The following DPYSL3 variants were observed in gnomAD, a reference collection of about 807,000 sequenced individuals.
DPYSL3 encodes the protein dihydropyrimidinase-related protein 3.
Under a neutral mutation model 66.1 loss-of-function variants are expected in DPYSL3, and 16 were observed. The observed-to-expected ratio is 0.24, with a 90% CI of 0.16 to 0.37. The LOEUF is 0.37. Among genes scored for constraint, DPYSL3 ranks in the 10% least tolerant of loss-of-function variants. The pLI is 1.00. For missense variants in DPYSL3, 738 were observed against 916.2 expected (o/e 0.81, Z 2.51); for synonymous variants, 338 against 345.1 (o/e 0.98, Z 0.23).
rs377010254 is a variant in DPYSL3, at chr5:147,412,600, G to A, written c.963+8C>T. On this transcript the variant is annotated splice_region_variant and intron_variant, in intron 6 of 13. Coordinates refer to ENST00000343218, the MANE Select transcript of DPYSL3 (RefSeq NM_001197294.2). ...CAAAGCACGCTCCAGGGAGCTGCAC[G>A]GTGTTACCTGGGCAATGATATCCCC... The A allele has an allele frequency of 2.0e-5, 33 of 1,610,162 alleles. No individual in the cohort carries two copies. In the African/African-American group the frequency reaches 2.3e-4, roughly 11 times the overall value.
At chr5:147,454,705 C>A (rs1332380276) in intron 1 of DPYSL3, among the ~76,000 whole-genome samples, 1 of 152,286 alleles carries the variant, frequency 6.6e-6, no homozygotes, top group South Asian at 2.1e-4. Flanking sequence ...GTGCACTGCT[C>A]ACAATCCCGA....
chr5:147,437,243 G>A (rs567886565), intron 1 of DPYSL3, among the ~76,000 whole-genome samples: 4 of 152,250 alleles, frequency 2.6e-5, no homozygotes, highest in Admixed American at 6.5e-5. Flanking sequence ...CAAAGACGTC[G>A]AGTGAATTCC....
chr5:147,479,444 C>T (rs972412575), intron 1 of DPYSL3, among the ~76,000 whole-genome samples: 2 of 152,100 alleles, frequency 1.3e-5, no homozygotes, highest in Non-Finnish European at 2.9e-5. Context: ...GTCTTGTCAA[C>T]TCAGTGAAGG....
At chr5:147,453,242 C>G (rs1752771353) in intron 1 of DPYSL3, among the ~76,000 whole-genome samples, 1 of 152,232 alleles carries the variant, frequency 6.6e-6, no homozygotes, top group Admixed American at 6.5e-5. Context: ...AGCAGTGGTC[C>G]TGGGAGAGCC....
intron 10 of DPYSL3, among the ~76,000 whole-genome samples, chr5:147,399,591 T>G (rs564292460): frequency 2.0e-5 from 3 of 152,344 alleles, no homozygotes; most frequent in South Asian, 2.1e-4. Flanking sequence ...GTGATTATAA[T>G]CCCATCCTTT....
chr5:147,497,665 A>T (rs557126962), intron 1 of DPYSL3, among the ~76,000 whole-genome samples: 1 of 152,086 alleles, frequency 6.6e-6, no homozygotes, highest in Admixed American at 6.6e-5. Context: ...ATATCAATAG[A>T]TACTGAAAAA....
At chr5:147,454,062 G>A (rs1752800225) in intron 1 of DPYSL3, 1 of 152,428 alleles carries the variant, frequency 6.6e-6, no homozygotes, top group African/African-American at 2.4e-5. Flanking sequence ...GGGGCTTTTC[G>A]GGAGCGGAGG....
In DPYSL3 at chr5:147,402,352, T is replaced by TCA. The variant is rs1758208589; in HGVS notation, c.1154-657_1154-656insTG. 1.5e-3 allele frequency among the ~76,000 whole-genome samples: 221 copies of TCA among 146,848 alleles called. 3 individuals are homozygous for TCA. The highest frequency in any genetic ancestry group is 5.5e-3 in the African/African-American group (201 of 36,604). ...AGAGACTCTCATGACTTTTTTTTTT[T>TCA]TCTTTTTTTTTTTGAGACGGAGTCT... On this transcript the variant is annotated intron_variant, in intron 8 of 13. Coordinates refer to ENST00000343218, the MANE Select transcript of DPYSL3 (RefSeq NM_001197294.2).
At chr5:147,447,147 T>C (rs1752644180) in intron 1 of DPYSL3, among the ~76,000 whole-genome samples, 1 of 152,202 alleles carries the variant, frequency 6.6e-6, no homozygotes. Context: ...TCCATGTAGC[T>C]TTTACTAAGA....
rs182077268 is a variant in DPYSL3 at position 147,509,942 on chromosome 5, T to G, written c.-84A>C. On this transcript the variant is annotated 5_prime_UTR_variant, in exon 1 of 14. Transcript: ENST00000343218. The surrounding 1 kb of genome is among the most constrained non-coding windows in gnomAD (Gnocchi z 5.3). ...GCCGGCAGCGTGCGCCGAGCCACAG[T>G]GACTGTGGCGGGAGGAGGCGCCTGA... 3.6e-4 allele frequency: 514 copies of G among 1,440,530 alleles called. 5 individuals are homozygous for G. In the African/African-American group the frequency reaches 3.9e-3, roughly 11 times the overall value. The allele number at this position is 1,440,530 out of a possible 1,614,324, so 89.2% of individuals were successfully genotyped here.
chr5:147,442,792 TA>T (rs1752558333), intron 1 of DPYSL3, among the ~76,000 whole-genome samples: 1 of 151,776 alleles, frequency 6.6e-6, no homozygotes, highest in South Asian at 2.1e-4. Flanking sequence ...AAGTAAGGCA[TA>T]AAACAGCGTA....
At chr5:147,462,962 G>A (rs761536437) in intron 1 of DPYSL3, among the ~76,000 whole-genome samples, 10 of 152,086 alleles carry the variant, frequency 6.6e-5, no homozygotes, top group Non-Finnish European at 1.3e-4. Context: ...AAGTGACCAC[G>A]CAGCCACAAA....
At chr5:147,506,915 G>A (rs887819065) in intron 1 of DPYSL3, among the ~76,000 whole-genome samples, 1 of 152,202 alleles carries the variant, frequency 6.6e-6, no homozygotes, top group Non-Finnish European at 1.5e-5. Flanking sequence ...TGGCAAGATT[G>A]TATTCCACCA....
At chr5:147,445,078 C>T (rs781008153) in intron 1 of DPYSL3, among the ~76,000 whole-genome samples, 6 of 152,020 alleles carry the variant, frequency 3.9e-5, no homozygotes, top group African/African-American at 7.3e-5. Flanking sequence ...ATATGAAAGA[C>T]GACATAAAGG....
chr5:147,427,138 T>C (rs1043479978), intron 1 of DPYSL3, among the ~76,000 whole-genome samples: 10 of 152,228 alleles, frequency 6.6e-5, no homozygotes, highest in Non-Finnish European at 1.0e-4. Context: ...TCACCTGGCA[T>C]CTAGCAGTCA....
chr5:147,442,150 TG>T (rs967386744), intron 1 of DPYSL3, among the ~76,000 whole-genome samples: 1 of 152,130 alleles, frequency 6.6e-6, no homozygotes, highest in African/African-American at 2.4e-5. Flanking sequence ...AAGAATTAAG[TG>T]GAAAAAAGTT....
intron 1 of DPYSL3, among the ~76,000 whole-genome samples, chr5:147,498,020 GCA>G (rs1247731550): frequency 3.3e-5 from 5 of 151,568 alleles, no homozygotes; most frequent in African/African-American, 1.2e-4. Flanking sequence ...GGAGTTTGTT[GCA>G]CAGATTATTT....
intron 1 of DPYSL3, among the ~76,000 whole-genome samples, chr5:147,479,200 A>T (rs1753202914): frequency 6.6e-6 from 1 of 152,222 alleles, no homozygotes; most frequent in South Asian, 2.1e-4. Context: ...TATGATACAC[A>T]TACAATTACT....
At chr5:147,499,403 A>C (rs920660691) in intron 1 of DPYSL3, among the ~76,000 whole-genome samples, 1 of 152,066 alleles carries the variant, frequency 6.6e-6, no homozygotes, top group Admixed American at 6.6e-5. Context: ...TTACATTAGC[A>C]CCCTGGAAAT....
Sources: gnomAD v4.1 joint callset for allele counts (sites outside exome capture counted in the v4.1 genomes callset) on GRCh38, gnomAD v4.1.1 for gene constraint, Gnocchi (gnomAD v3.1) non-coding constraint, MANE v1.5 for transcripts, NCBI Gene and HGNC (gene_info 2026-07-23, HGNC 2026-07-21) for gene names.